HEATR4: variants seen among roughly 807,000 people sequenced by gnomAD.
HEATR4 encodes the protein HEAT repeat-containing protein 4.
Under a neutral mutation model 108.8 loss-of-function variants are expected in HEATR4, and 95 were observed. The ratio of observed to expected loss-of-function variants is 0.87; its 90% confidence interval spans 0.74 to 1.04. The LOEUF is 1.04. Ranked by LOEUF, HEATR4 falls within the 50% of genes least tolerant of loss-of-function variation. The pLI, the probability that HEATR4 is intolerant of heterozygous loss-of-function variation, is 0.00. For missense variants in HEATR4, 1,152 were observed against 1,253.8 expected (o/e 0.92, Z 1.23); for synonymous variants, 443 against 459.4 (o/e 0.96, Z 0.46).
At chr14:73,588,658 A>G in the HEATR4 span, among the ~76,000 whole-genome samples, 1 of 152,272 alleles carries the variant, frequency 6.6e-6, no homozygotes, top group East Asian at 1.9e-4. Context: ...ACTGACAGCC[A>G]CCTTATGATG....
chr14:73,495,040 A>C lies in HEATR4; in HGVS notation c.2785+188T>G, dbSNP rs189826751. ...TTTTAAGGGAGAAAATAAATGAATA[A>C]AAACCCGAGAAACAAACAAACAAAA... On this transcript the variant is annotated intron_variant, in intron 16 of 17. Transcript: ENST00000553558. 2.3e-5 allele frequency among the ~76,000 whole-genome samples: 3 copies of C among 131,304 alleles called. No individual in the cohort carries two copies. In the East Asian group the frequency reaches 6.3e-4, roughly 28 times the overall value. 86.1% of individuals were successfully genotyped at this position (131,304 alleles called of 152,430 possible). A position where few individuals can be genotyped will look rare whatever the true frequency, so the allele number is the denominator to read the frequency against.
chr14:73,601,158 CAATT>C, the HEATR4 span, among the ~76,000 whole-genome samples: 1 of 151,572 alleles, frequency 6.6e-6, no homozygotes, highest in Non-Finnish European at 1.5e-5. Flanking sequence ...AAGAAAATGA[CAATT>C]AAATGAAATA....
the HEATR4 span, chr14:73,617,252 A>C: frequency 6.2e-7 from 1 of 1,601,862 alleles, no homozygotes; most frequent in Non-Finnish European, 8.6e-7. Flanking sequence ...GCAGGGCTGA[A>C]TCCAAAAGCC....
Position 73,552,868 on chromosome 14 carries a change from C to T in HEATR4, c.-152+5883G>A, listed in dbSNP as rs369395803. Among the ~76,000 whole-genome samples the T allele has an allele frequency of 1.4e-3, 136 of 96,638 alleles. 31 individuals are homozygous for T. In the South Asian group the frequency reaches 0.04, roughly 29 times the overall value. The allele number at this position is 96,638 out of a possible 152,430, so 63.4% of individuals were successfully genotyped here. On this transcript the variant is annotated intron_variant, in intron 1 of 17. Transcript: ENST00000553558. ...TGCCATGAGTCTGAGGCCCCTGACC[C>T]CTACACCTCTTGGGTGCCACCCAGG... is the stretch of plus-strand genomic sequence containing the variant.
chr14:73,524,310 A>AAAAAAAAAAAAAATATAT, intron 2 of HEATR4, among the ~76,000 whole-genome samples: 1 of 54,788 alleles, frequency 1.8e-5, no homozygotes, highest in South Asian at 7.8e-4. Context: ...AAAAAAAAAA[A>AAAAAAAAAAAAAATATAT]ATATATATAT....
chr14:73,624,881 C>T, the HEATR4 span, among the ~76,000 whole-genome samples: 1 of 152,070 alleles, frequency 6.6e-6, no homozygotes. Flanking sequence ...TTTTCAAATA[C>T]AGGTATACTT....
chr14:73,589,533 C>T, the HEATR4 span, among the ~76,000 whole-genome samples: 7 of 152,198 alleles, frequency 4.6e-5, no homozygotes, highest in Middle Eastern at 3.4e-3. Context: ...TGGACAGGCT[C>T]GTCTAGATCT....
intron 1 of HEATR4, among the ~76,000 whole-genome samples, chr14:73,541,207 T>C (rs1213689934): frequency 8.9e-6 from 1 of 112,832 alleles, no homozygotes; most frequent in Non-Finnish European, 1.9e-5. Context: ...CTCTTCTATG[T>C]AGCAGTCTTT....
the HEATR4 span, among the ~76,000 whole-genome samples, chr14:73,625,212 A>C: frequency 6.6e-6 from 1 of 151,264 alleles, no homozygotes; most frequent in Non-Finnish European, 1.5e-5. Context: ...GGTGTGCACC[A>C]CCGCACCCAG....
chr14:73,531,441 G>A (rs1358568287), intron 1 of HEATR4, among the ~76,000 whole-genome samples: 4 of 93,788 alleles, frequency 4.3e-5, no homozygotes, highest in Non-Finnish European at 8.9e-5. Flanking sequence ...TTTTTTTTGC[G>A]AGGGAGTCTC....
chr14:73,542,008 A>G (rs1889102373), intron 1 of HEATR4, among the ~76,000 whole-genome samples: 1 of 112,408 alleles, frequency 8.9e-6, no homozygotes, highest in South Asian at 2.8e-4. Context: ...GGCACCTGCC[A>G]ACATGCCTGG....
Position 73,514,200 on chromosome 14 carries a change from A to G in HEATR4, c.1245T>C (p.Thr415=). 6.2e-7 allele frequency: 1 copy of G among 1,614,190 alleles called. No homozygotes were observed. Among genetic ancestry groups the G allele is most frequent in the Non-Finnish European group, 8.5e-7 (1 of 1,180,034 alleles). ...TATCCTTGGCGGGGGTGGGCAAAGC[A>G]GTCCAGCGCAGGGCTCCTTGCACAG... ...YRPVQGALRW[T]ALPTPAKDML... Residue 415 remains threonine (T), a synonymous_variant, in exon 6 of 18, where the codon ACT becomes ACC. Coordinates refer to ENST00000553558, the MANE Select transcript of HEATR4 (RefSeq NM_001220484.1).
At chr14:73,632,371 C>T in the HEATR4 span, among the ~76,000 whole-genome samples, 1 of 152,056 alleles carries the variant, frequency 6.6e-6, no homozygotes. Context: ...AACTCATTAC[C>T]CAATCTCAGT....
chr14:73,595,802 G>T, the HEATR4 span: 1 of 1,030,390 alleles, frequency 9.7e-7, no homozygotes, highest in Non-Finnish European at 1.3e-6. Context: ...AATAAGCTTT[G>T]TCGTTAGTTT....
the HEATR4 span, among the ~76,000 whole-genome samples, chr14:73,621,679 G>C: frequency 6.6e-6 from 1 of 151,878 alleles, no homozygotes; most frequent in South Asian, 2.1e-4. Flanking sequence ...GTTCCTTAGA[G>C]GTAACTTAAT....
chr14:73,569,424 C>G, the HEATR4 span: 3 of 1,613,796 alleles, frequency 1.9e-6, no homozygotes, highest in Non-Finnish European at 2.5e-6. Context: ...GGTTCCTGCT[C>G]GGATGGCGGC....
At chr14:73,504,400 A>G (rs1038272146) in intron 10 of HEATR4, among the ~76,000 whole-genome samples, 1 of 151,518 alleles carries the variant, frequency 6.6e-6, no homozygotes, top group Non-Finnish European at 1.5e-5. Context: ...CTGCCACCAC[A>G]CCCGCCTAAT....
At chr14:73,491,406 C>G in intron 17 of HEATR4, 1 of 1,345,378 alleles carries the variant, frequency 7.4e-7, no homozygotes, top group Non-Finnish European at 9.5e-7. Context: ...GCGCCGCCCG[C>G]GCGCCTGGTG....
intron 17 of HEATR4, chr14:73,491,229 C>T: frequency 1.3e-6 from 2 of 1,590,106 alleles, no homozygotes; most frequent in East Asian, 2.3e-5. Flanking sequence ...GTGGAGTCGA[C>T]GGCCGACGAC....
Sources: gnomAD v4.1 joint callset for allele counts (sites outside exome capture counted in the v4.1 genomes callset) on GRCh38, gnomAD v4.1.1 for gene constraint, MANE v1.5 for transcripts, NCBI Gene and HGNC (gene_info 2026-07-23, HGNC 2026-07-21) for gene names.